NR6A1: variants seen among roughly 807,000 people sequenced by gnomAD.
NR6A1 encodes the protein nuclear receptor subfamily 6 group A member 1.
In NR6A1, 7 loss-of-function variants were observed where a neutral mutation model predicts 59.1. That is an observed-to-expected ratio of 0.12 (90% CI 0.07 to 0.22). The LOEUF is 0.22. Among genes scored for constraint, NR6A1 ranks in the 10% least tolerant of loss-of-function variants. The probability of loss-of-function intolerance (pLI) is 1.00; values close to 1 mark genes in which losing one functional copy is unlikely to be tolerated. For missense variants in NR6A1, 468 were observed against 611.6 expected (o/e 0.77, Z 2.48); for synonymous variants, 243 against 236.1 (o/e 1.03, Z -0.27).
chr9:124,664,758 T>C (rs1837554758), intron 2 of NR6A1, among the ~76,000 whole-genome samples: 1 of 152,094 alleles, frequency 6.6e-6, no homozygotes, highest in Non-Finnish European at 1.5e-5. Flanking sequence ...TAATCAATAT[T>C]AAGCTTCTAA....
intron 7 of NR6A1, among the ~76,000 whole-genome samples, chr9:124,533,116 T>C (rs1833147110): frequency 6.6e-6 from 1 of 152,212 alleles, no homozygotes; most frequent in Admixed American, 6.5e-5. Context: ...ACCCATTACT[T>C]GGAAGTGGAG....
intron 1 of NR6A1, among the ~76,000 whole-genome samples, chr9:124,745,122 C>T (rs934211601): frequency 3.9e-5 from 6 of 152,224 alleles, no homozygotes; most frequent in Non-Finnish European, 8.8e-5. Context: ...ATTATGTACA[C>T]TTATTCAATG....
At chr9:124,602,488 C>T (rs1225203312) in intron 2 of NR6A1, among the ~76,000 whole-genome samples, 1 of 152,162 alleles carries the variant, frequency 6.6e-6, no homozygotes, top group Non-Finnish European at 1.5e-5. Flanking sequence ...CAAAGTTGTA[C>T]AAAGCAAGTC....
intron 2 of NR6A1, among the ~76,000 whole-genome samples, chr9:124,724,092 C>A (rs1036511076): frequency 2.0e-5 from 3 of 152,130 alleles, no homozygotes; most frequent in African/African-American, 7.2e-5. Flanking sequence ...AATGAAATAT[C>A]CTTCCGTTAA....
At position 124,524,877 on chromosome 9, in the gene NR6A1, T is replaced by TG. The variant is rs773074443; in HGVS notation, c.1202-5dup. The TG allele has an allele frequency of 7.6e-6, 12 of 1,580,044 alleles. No individual in the cohort carries two copies. The African/African-American group carries it at 1.0e-4, about 13-fold the overall frequency. On this transcript the variant is annotated splice_polypyrimidine_tract_variant and splice_region_variant and intron_variant, in intron 8 of 9. Coordinates refer to ENST00000487099, the MANE Select transcript of NR6A1 (RefSeq NM_033334.4). ...GCACTGGTCAGACCCCTGATATCTGTGGAAAAAAAAAAAACACACACACAC... is the reference window on the plus strand; with the variant it reads ...GCACTGGTCAGACCCCTGATATCTGTGGGAAAAAAAAAAAACACACACACAC...
In NR6A1 at chr9:124,550,528, A is replaced by AT. The variant is rs748627702; in HGVS notation, c.385+3799dup. On this transcript the variant is annotated intron_variant, in intron 3 of 9. Coordinates refer to ENST00000487099, the MANE Select transcript of NR6A1 (RefSeq NM_033334.4). ...TGCCACCGCGCCAGCTAATTTTTGT[A>AT]TTTTTTTTTTGTATAGACGGGGTTT... Among the ~76,000 whole-genome samples, 1,167 of 145,540 alleles carry AT rather than the reference A, an allele frequency of 8.0e-3. 11 individuals carry two copies. The highest frequency in any genetic ancestry group is 0.025 in the African/African-American group (985 of 39,758).
At chr9:124,538,071 A>G in intron 6 of NR6A1, 21 bp downstream of exon 6, 1 of 1,584,448 alleles carries the variant, frequency 6.3e-7, no homozygotes, top group Middle Eastern at 1.7e-4. Flanking sequence ...CAAGGGGCCA[A>G]GAAGGGCGGA....
chr9:124,649,733 ACACG>A (rs1837043972), intron 2 of NR6A1, among the ~76,000 whole-genome samples: 1 of 152,184 alleles, frequency 6.6e-6, no homozygotes, highest in Non-Finnish European at 1.5e-5. Flanking sequence ...AACTAAATAT[ACACG>A]GAACTCAATA....
At chr9:124,583,581 T>C (rs982869524) in intron 2 of NR6A1, among the ~76,000 whole-genome samples, 1 of 152,164 alleles carries the variant, frequency 6.6e-6, no homozygotes, top group Admixed American at 6.5e-5. Flanking sequence ...GGCAGGGGCA[T>C]CCACTCACAG....
At chr9:124,582,959 G>C (rs1488373290) in intron 2 of NR6A1, among the ~76,000 whole-genome samples, 1 of 151,240 alleles carries the variant, frequency 6.6e-6, no homozygotes, top group African/African-American at 2.5e-5. Flanking sequence ...TCACAGAAGA[G>C]TACGCCCTTC....
chr9:124,591,681 G>A (rs1482465917), intron 2 of NR6A1, among the ~76,000 whole-genome samples: 1 of 152,114 alleles, frequency 6.6e-6, no homozygotes, highest in African/African-American at 2.4e-5. Context: ...CAAGGTCCTT[G>A]GATCACAGTG....
At chr9:124,544,205 G>A (rs998337457) in intron 3 of NR6A1, among the ~76,000 whole-genome samples, 11 of 152,334 alleles carry the variant, frequency 7.2e-5, no homozygotes, top group South Asian at 4.1e-4. Context: ...GAGGGACAGA[G>A]TATTTCCATT....
intron 2 of NR6A1, among the ~76,000 whole-genome samples, chr9:124,622,919 G>A (rs1168267324): frequency 6.6e-6 from 1 of 152,128 alleles, no homozygotes; most frequent in East Asian, 1.9e-4. Context: ...TTGGAAAATG[G>A]TCTATAAACC....
intron 2 of NR6A1, among the ~76,000 whole-genome samples, chr9:124,622,247 C>G (rs1013630979): frequency 6.6e-6 from 1 of 152,132 alleles, no homozygotes; most frequent in Non-Finnish European, 1.5e-5. Context: ...TATTTTCCCA[C>G]GCTCTTCTCC....
At chr9:124,598,809 A>T in intron 2 of NR6A1, 1 of 854,694 alleles carries the variant, frequency 1.2e-6, no homozygotes, top group South Asian at 1.3e-5. Flanking sequence ...TTTTTGCCGG[A>T]TCTTTTCTTT....
At chr9:124,678,186 C>G (rs907639395) in intron 2 of NR6A1, among the ~76,000 whole-genome samples, 2 of 152,196 alleles carry the variant, frequency 1.3e-5, no homozygotes. Flanking sequence ...TCACAACCAT[C>G]TTAAGGCCAT....
chr9:124,641,863 G>A (rs901544568), intron 2 of NR6A1, among the ~76,000 whole-genome samples: 2 of 152,210 alleles, frequency 1.3e-5, no homozygotes, highest in Non-Finnish European at 2.9e-5. Context: ...CTGTGCTTAA[G>A]ACAGGGTTAA....
chr9:124,706,284 CTT>C (rs1475698134), intron 2 of NR6A1, among the ~76,000 whole-genome samples: 2 of 152,096 alleles, frequency 1.3e-5, no homozygotes, highest in Non-Finnish European at 1.5e-5. Flanking sequence ...TCTATATAAT[CTT>C]GTCTTTTTAA....
chr9:124,581,177 A>G (rs1168156929), intron 2 of NR6A1, among the ~76,000 whole-genome samples: 1 of 152,242 alleles, frequency 6.6e-6, no homozygotes, highest in African/African-American at 2.4e-5. Flanking sequence ...AACCTAGGCA[A>G]TACCATCAGT....
Sources: allele counts gnomAD v4.1 joint callset (sites outside exome capture counted in the v4.1 genomes callset), GRCh38; gene constraint gnomAD v4.1.1; transcripts MANE v1.5; gene names NCBI Gene and HGNC (gene_info 2026-07-23, HGNC 2026-07-21).